Variants in PRELID2 observed in about 807,000 individuals in gnomAD.
The protein encoded by PRELID2 is PRELI domain-containing protein 2.
Under a neutral mutation model 28.4 loss-of-function variants are expected in PRELID2, and 25 were observed. That is an observed-to-expected ratio of 0.88 (90% confidence interval 0.64 to 1.23). PRELID2 has a LOEUF of 1.23. PRELID2 is among the 50% of genes most tolerant of loss of function. PRELID2 has a pLI of 0.00. For missense variants in PRELID2, 201 were observed against 214.4 expected (o/e 0.94, Z 0.39); for synonymous variants, 76 against 71.6 (o/e 1.06, Z -0.31).
At chr5:145,622,886 T>C (rs1753791257) in intron 1 of PRELID2, among the ~76,000 whole-genome samples, 1 of 152,040 alleles carries the variant, frequency 6.6e-6, no homozygotes, top group Non-Finnish European at 1.5e-5. Context: ...TTATTTACTA[T>C]AAAAGTTTAA....
chr5:145,425,173 TCATTA>T, the PRELID2 span, among the ~76,000 whole-genome samples: 1 of 152,024 alleles, frequency 6.6e-6, no homozygotes, highest in African/African-American at 2.4e-5. Flanking sequence ...GCATCACTGA[TCATTA>T]AAGAAATGCA....
intron 1 of PRELID2, among the ~76,000 whole-genome samples, chr5:145,743,871 T>C (rs1256886565): frequency 6.6e-6 from 1 of 152,234 alleles, no homozygotes; most frequent in East Asian, 1.9e-4. Flanking sequence ...TTTGAGCTCC[T>C]TGGGGGAGGA....
intron 1 of PRELID2, among the ~76,000 whole-genome samples, chr5:145,606,703 C>T (rs1420052916): frequency 6.6e-6 from 1 of 152,076 alleles, no homozygotes; most frequent in African/African-American, 2.4e-5. Context: ...CGATGTTCAT[C>T]AAGGATATTG....
the PRELID2 span, among the ~76,000 whole-genome samples, chr5:145,415,103 C>T: frequency 1.3e-5 from 2 of 151,996 alleles, no homozygotes; most frequent in South Asian, 2.1e-4. Context: ...TAAAACACTC[C>T]TCAGCAAATG....
At chr5:145,423,997 G>C in the PRELID2 span, among the ~76,000 whole-genome samples, 1 of 151,836 alleles carries the variant, frequency 6.6e-6, no homozygotes, top group Admixed American at 6.6e-5. Flanking sequence ...ACCCTGCCGT[G>C]TGAGGTGTCA....
chr5:145,625,947 A>G (rs1410258466), intron 1 of PRELID2, among the ~76,000 whole-genome samples: 1 of 152,232 alleles, frequency 6.6e-6, no homozygotes, highest in African/African-American at 2.4e-5. Flanking sequence ...ACCCTATTCA[A>G]TAAATGGTAC....
the PRELID2 span, among the ~76,000 whole-genome samples, chr5:145,259,100 G>A: frequency 6.6e-6 from 1 of 152,196 alleles, no homozygotes; most frequent in Non-Finnish European, 1.5e-5. Flanking sequence ...TGGGTGCATA[G>A]AATACAAGAG....
chr5:145,603,185 C>G (rs1753423790), intron 1 of PRELID2, among the ~76,000 whole-genome samples: 1 of 151,492 alleles, frequency 6.6e-6, no homozygotes, highest in South Asian at 2.1e-4. Context: ...GAAGTAAGTT[C>G]TGCGAATTTT....
the PRELID2 span, among the ~76,000 whole-genome samples, chr5:145,328,442 A>G: frequency 2.5e-4 from 38 of 152,204 alleles, no homozygotes; most frequent in Non-Finnish European, 4.9e-4. Context: ...CCTCTCCAGC[A>G]TCTGTTATTT....
At chr5:145,785,057 C>CTAT (rs1319291556) in intron 5 of PRELID2, among the ~76,000 whole-genome samples, 2 of 152,046 alleles carry the variant, frequency 1.3e-5, no homozygotes, top group Non-Finnish European at 1.5e-5. Flanking sequence ...ATTTAAAAGG[C>CTAT]TATTACCTAT....
At chr5:145,419,682 C>T in the PRELID2 span, among the ~76,000 whole-genome samples, 1 of 152,034 alleles carries the variant, frequency 6.6e-6, no homozygotes, top group Non-Finnish European at 1.5e-5. Flanking sequence ...TTGTAGGTTG[C>T]CTGTTCACTC....
chr5:145,624,824 A>C (rs1471458554), intron 1 of PRELID2, among the ~76,000 whole-genome samples: 1 of 152,214 alleles, frequency 6.6e-6, no homozygotes, highest in African/African-American at 2.4e-5. Context: ...AGAAATTTGC[A>C]ACATGTGTAA....
chr5:145,258,570 T>G, the PRELID2 span, among the ~76,000 whole-genome samples: 2 of 152,184 alleles, frequency 1.3e-5, no homozygotes, highest in Non-Finnish European at 2.9e-5. Context: ...AGTCATAATT[T>G]AGGGTATCTG....
intron 1 of PRELID2, among the ~76,000 whole-genome samples, chr5:145,569,676 G>C (rs773410242): frequency 2.6e-5 from 4 of 152,212 alleles, no homozygotes; most frequent in African/African-American, 7.2e-5. Context: ...GGTTAAGGGA[G>C]AAAGAAAGTA....
chr5:145,794,351 A>C (rs998949837), intron 5 of PRELID2, among the ~76,000 whole-genome samples: 1 of 152,184 alleles, frequency 6.6e-6, no homozygotes, highest in African/African-American at 2.4e-5. Flanking sequence ...TTGCAACCAA[A>C]TAGTCCTAAT....
At chr5:145,312,298 C>A in the PRELID2 span, among the ~76,000 whole-genome samples, 1 of 152,050 alleles carries the variant, frequency 6.6e-6, no homozygotes, top group Non-Finnish European at 1.5e-5. Context: ...CTGCAGTGAG[C>A]CAAGATCATG....
chr5:145,381,065 C>T, the PRELID2 span, among the ~76,000 whole-genome samples: 1 of 152,156 alleles, frequency 6.6e-6, no homozygotes, highest in Non-Finnish European at 1.5e-5. Flanking sequence ...TTCACCTTTT[C>T]AGTTAAAAAC....
At chr5:145,796,658 C>T (rs338898) in intron 4 of PRELID2, 111 bp from the exon 5 acceptor site, 463,132 of 507,500 alleles carry the variant, frequency 0.91, 213,198 homozygotes, top group East Asian at 0.97. Context: ...AAAATAATAT[C>T]CTTAATAATT....
chr5:145,404,912 G>C, the PRELID2 span, among the ~76,000 whole-genome samples: 1 of 152,132 alleles, frequency 6.6e-6, no homozygotes, highest in Non-Finnish European at 1.5e-5. Flanking sequence ...AATTGGCTCT[G>C]GGGGGATACA....
Sources: allele counts gnomAD v4.1 joint callset (sites outside exome capture counted in the v4.1 genomes callset), GRCh38; gene constraint gnomAD v4.1.1; transcripts MANE v1.5; gene names NCBI Gene and HGNC (gene_info 2026-07-23, HGNC 2026-07-21).